Variants in MCTP1 observed in about 807,000 individuals in gnomAD.
MCTP1 encodes multiple C2 and transmembrane domain containing 1.
In MCTP1, 69 loss-of-function variants were observed where a neutral mutation model predicts 120.6. That is an observed-to-expected ratio of 0.57 (90% confidence interval 0.47 to 0.70). MCTP1 has a LOEUF of 0.70. Ranked by LOEUF, MCTP1 falls within the 30% of genes least tolerant of loss-of-function variation. The pLI is 0.00. For missense variants in MCTP1, 1,203 were observed against 1,248.8 expected (o/e 0.96, Z 0.55); for synonymous variants, 529 against 493.1 (o/e 1.07, Z -0.96).
chr5:94,760,508 A>G (rs1405017722), intron 19 of MCTP1, among the ~76,000 whole-genome samples: 1 of 152,162 alleles, frequency 6.6e-6, no homozygotes, highest in Non-Finnish European at 1.5e-5. Flanking sequence ...CTCTTCCCAA[A>G]TCATTGCTGA....
chr5:94,776,720 T>C (rs1353113571), intron 19 of MCTP1, among the ~76,000 whole-genome samples: 1 of 152,202 alleles, frequency 6.6e-6, no homozygotes, highest in Non-Finnish European at 1.5e-5. Flanking sequence ...AAGAACACAT[T>C]TGTTTTCTCA....
intron 2 of MCTP1, among the ~76,000 whole-genome samples, chr5:94,969,767 G>T (rs1428267154): frequency 6.6e-6 from 1 of 152,044 alleles, no homozygotes; most frequent in African/African-American, 2.4e-5. Flanking sequence ...TGTAGAATAA[G>T]GTCCTTCACA....
At chr5:95,260,385 G>C (rs1217753807) in intron 1 of MCTP1, among the ~76,000 whole-genome samples, 1 of 152,028 alleles carries the variant, frequency 6.6e-6, no homozygotes, top group Non-Finnish European at 1.5e-5. Flanking sequence ...TGTGTTCCTT[G>C]AGCCCAGTCA....
At chr5:94,721,996 C>G (rs1027276167) in intron 19 of MCTP1, among the ~76,000 whole-genome samples, 1 of 151,864 alleles carries the variant, frequency 6.6e-6, no homozygotes, top group Non-Finnish European at 1.5e-5. Flanking sequence ...TCTAAAAGCT[C>G]TCTTACTAGG....
intron 2 of MCTP1, among the ~76,000 whole-genome samples, chr5:94,999,129 T>C (rs948493055): frequency 6.6e-6 from 1 of 152,210 alleles, no homozygotes; most frequent in African/African-American, 2.4e-5. Context: ...TATTATCCAA[T>C]TTCAGACAAT....
intron 3 of MCTP1, among the ~76,000 whole-genome samples, chr5:94,947,601 GAGAGAGAGAGAGAGAGAGAGAA>G (rs1819413982): frequency 1.9e-5 from 2 of 104,246 alleles, no homozygotes; most frequent in African/African-American, 7.2e-5. Flanking sequence ...GAGAGAGAGA[GAGAGAGAGAGAGAGAGAGAGAA>G]AGAGAGACAG....
intron 17 of MCTP1, among the ~76,000 whole-genome samples, chr5:94,816,068 T>G (rs1278352526): frequency 6.6e-6 from 1 of 152,196 alleles, no homozygotes; most frequent in Non-Finnish European, 1.5e-5. Context: ...ATGCTAAGAC[T>G]TCTCCCATAA....
At chr5:95,195,652 G>A (rs1009447836) in intron 1 of MCTP1, among the ~76,000 whole-genome samples, 3 of 152,206 alleles carry the variant, frequency 2.0e-5, no homozygotes, top group Admixed American at 6.5e-5. Flanking sequence ...TCCAAATGCC[G>A]AGTTGATAGA....
intron 2 of MCTP1, among the ~76,000 whole-genome samples, chr5:94,979,847 A>C (rs967804608): frequency 6.6e-6 from 1 of 152,128 alleles, no homozygotes; most frequent in Non-Finnish European, 1.5e-5. Context: ...TAAATCATTG[A>C]TATATCGGGT....
chr5:94,970,385 A>G (rs1826540909), intron 2 of MCTP1, among the ~76,000 whole-genome samples: 1 of 152,090 alleles, frequency 6.6e-6, no homozygotes, highest in African/African-American at 2.4e-5. Flanking sequence ...ACTTATTCAT[A>G]TAACTTATTC....
At chr5:95,157,890 T>C (rs1401748681) in intron 1 of MCTP1, among the ~76,000 whole-genome samples, 1 of 152,200 alleles carries the variant, frequency 6.6e-6, no homozygotes, top group Non-Finnish European at 1.5e-5. Context: ...GCCGGCAATG[T>C]TGAGTTGTCA....
At chr5:95,239,228 A>T (rs1372992166) in intron 1 of MCTP1, among the ~76,000 whole-genome samples, 1 of 152,218 alleles carries the variant, frequency 6.6e-6, no homozygotes, top group Non-Finnish European at 1.5e-5. Context: ...GCGCAGAAAC[A>T]GAATAGGCAG....
At chr5:94,786,602 T>G (rs1777761946) in intron 18 of MCTP1, among the ~76,000 whole-genome samples, 2 of 152,166 alleles carry the variant, frequency 1.3e-5, no homozygotes, top group African/African-American at 4.8e-5. Context: ...TCCCACAATA[T>G]AACACAGAAC....
chr5:95,247,539 T>C (rs998037466), intron 1 of MCTP1, among the ~76,000 whole-genome samples: 7 of 152,222 alleles, frequency 4.6e-5, no homozygotes, highest in Admixed American at 1.3e-4. Flanking sequence ...GTGCTATAAA[T>C]TCTCCTCTAC....
chr5:95,008,855 A>C (rs1835287164), intron 2 of MCTP1, among the ~76,000 whole-genome samples: 1 of 152,102 alleles, frequency 6.6e-6, no homozygotes, highest in South Asian at 2.1e-4. Context: ...TGCAGCCACC[A>C]GAAGTTGAAA....
chr5:94,910,180 G>GTGTATACATA (rs1561843088), intron 9 of MCTP1, among the ~76,000 whole-genome samples: 3 of 91,894 alleles, frequency 3.3e-5, no homozygotes, highest in Non-Finnish European at 8.0e-5. Context: ...ATACATATAT[G>GTGTATACATA]TATGTGTGCA....
intron 19 of MCTP1, among the ~76,000 whole-genome samples, chr5:94,743,894 C>T (rs1766233274): frequency 6.6e-6 from 1 of 152,090 alleles, no homozygotes. Flanking sequence ...CCACCTCGGT[C>T]TCCCAAAGTG....
intron 2 of MCTP1, among the ~76,000 whole-genome samples, chr5:95,004,490 T>A (rs1581790061): frequency 1.3e-5 from 2 of 152,278 alleles, no homozygotes; most frequent in African/African-American, 4.8e-5. Flanking sequence ...GCCCCTCCCA[T>A]CACAGGCCAG....
In MCTP1 at chr5:94,704,507, A is replaced by G. The variant is rs1377304057; in HGVS notation, c.*2989T>C. 1 of 151,360 alleles carries G rather than the reference A, an allele frequency of 6.6e-6. No homozygotes were observed. Among genetic ancestry groups the G allele is most frequent in the Non-Finnish European group, 1.5e-5 (1 of 67,568 alleles). 9.4% of individuals were successfully genotyped at this position (151,360 alleles called of 1,614,324 possible). A position where few individuals can be genotyped will look rare whatever the true frequency, so the allele number is the denominator to read the frequency against. On this transcript the variant is annotated 3_prime_UTR_variant, in exon 23 of 23. Coordinates refer to ENST00000515393, the MANE Select transcript of MCTP1 (RefSeq NM_024717.7). ...GACCTTAGATATGAGATCAAAGTGG[A>G]AAAAAAGCTCCTGTGGTCCCTAGAT...
Sources: allele counts gnomAD v4.1 joint callset (sites outside exome capture counted in the v4.1 genomes callset), GRCh38; gene constraint gnomAD v4.1.1; transcripts MANE v1.5; gene names NCBI Gene and HGNC (gene_info 2026-07-23, HGNC 2026-07-21).